GRM8: variants seen among roughly 807,000 people sequenced by gnomAD.
GRM8 encodes metabotropic glutamate receptor 8.
A neutral mutation model predicts 87.2 loss-of-function variants in GRM8; 47 were observed. The observed-to-expected ratio is 0.54, with a 90% confidence interval of 0.43 to 0.69. The LOEUF is 0.69. Ranked by LOEUF, GRM8 falls within the 30% of genes least tolerant of loss-of-function variation. The pLI, the probability that GRM8 is intolerant of heterozygous loss-of-function variation, is 0.00. For missense variants in GRM8, 1,019 were observed against 1,139.2 expected, an observed-to-expected ratio of 0.89 and a Z score of 1.52; for synonymous variants, 396 against 404.5, an observed-to-expected ratio of 0.98 and a Z score of 0.25.
intron 3 of GRM8, among the ~76,000 whole-genome samples, chr7:127,100,417 T>C (rs751440511): frequency 4.6e-5 from 7 of 152,154 alleles, no homozygotes; most frequent in Non-Finnish European, 1.0e-4. Flanking sequence ...CATAAACCCA[T>C]GAAAAGAGAA....
chr7:126,971,179 A>C (rs1401644195), intron 3 of GRM8, among the ~76,000 whole-genome samples: 3 of 132,946 alleles, frequency 2.3e-5, no homozygotes, highest in African/African-American at 8.2e-5. Context: ...AAAAAAAAAA[A>C]AAAAACACTA....
chr7:126,480,091 A>G (rs977499525), intron 9 of GRM8, among the ~76,000 whole-genome samples: 3 of 152,122 alleles, frequency 2.0e-5, no homozygotes, highest in African/African-American at 7.2e-5. Flanking sequence ...GTAACTGAAC[A>G]ATGGTGTTTT....
chr7:126,603,735 A>G (rs868002855), intron 8 of GRM8, among the ~76,000 whole-genome samples: 24 of 152,050 alleles, frequency 1.6e-4, no homozygotes, highest in African/African-American at 5.6e-4. Flanking sequence ...GTACATATAT[A>G]TATGTATGTA....
Position 127,045,717 on chromosome 7 carries a change from T to A in GRM8, c.727+60779A>T, listed in dbSNP as rs966764034. 3.9e-5 allele frequency among the ~76,000 whole-genome samples: 6 copies of A among 152,304 alleles called. No homozygotes were observed. The East Asian group carries it at 1.2e-3, about 29-fold the overall frequency. On this transcript the variant is annotated intron_variant, in intron 3 of 10. Coordinates refer to ENST00000339582, the MANE Select transcript of GRM8 (RefSeq NM_000845.3). ...CCAGATCCCACACGTGCATAACTTC[T>A]CAAGCTACCTCTTCTGTTCTCTCTA...
intron 6 of GRM8, among the ~76,000 whole-genome samples, chr7:126,792,199 T>C (rs554187803): frequency 6.6e-6 from 1 of 152,330 alleles, no homozygotes; most frequent in Non-Finnish European, 1.5e-5. Flanking sequence ...TCTCCATATC[T>C]GGTCACTCTT....
chr7:126,805,618 T>C (rs545573805), intron 6 of GRM8, among the ~76,000 whole-genome samples: 9 of 152,342 alleles, frequency 5.9e-5, no homozygotes, highest in Admixed American at 5.2e-4. Flanking sequence ...CTTGCATCCA[T>C]GCAGATGTGG....
chr7:127,191,391 C>A lies in GRM8; in HGVS notation c.510+51304G>T, dbSNP rs191183755. Among the ~76,000 whole-genome samples, 69 of 152,262 alleles carry A rather than the reference C, an allele frequency of 4.5e-4. 1 individual carries two copies. Among genetic ancestry groups the A allele is most frequent in the East Asian group, 1.9e-4 (1 of 5,186 alleles). ...GAGTGTTTTAATTTCAATCCCTTAA[C>A]CTTCTAGCAATGAAATAGTTCCAGA... On this transcript the variant is annotated intron_variant, in intron 2 of 10. Coordinates refer to ENST00000339582, the MANE Select transcript of GRM8 (RefSeq NM_000845.3).
chr7:127,073,352 C>T (rs1821921550), intron 3 of GRM8, among the ~76,000 whole-genome samples: 1 of 152,124 alleles, frequency 6.6e-6, no homozygotes, highest in South Asian at 2.1e-4. Flanking sequence ...GAGAGATGAT[C>T]TGCGCCCCAT....
intron 3 of GRM8, chr7:127,058,208 C>T (rs1464692503): frequency 4.1e-6 from 2 of 490,118 alleles, no homozygotes; most frequent in Non-Finnish European, 4.2e-6. Context: ...TTCATCAGCA[C>T]TCCCCACAGC....
chr7:126,713,639 T>C (rs1811373798), intron 7 of GRM8, among the ~76,000 whole-genome samples: 1 of 150,094 alleles, frequency 6.7e-6, no homozygotes, highest in Admixed American at 6.6e-5. Context: ...TATGCCTGTA[T>C]GTGAAATCTA....
chr7:126,978,009 C>A, intron 3 of GRM8, among the ~76,000 whole-genome samples: 1 of 151,736 alleles, frequency 6.6e-6, no homozygotes, highest in African/African-American at 2.4e-5. Flanking sequence ...TGATTAAGTC[C>A]AAAAGGACAA....
chr7:127,072,134 G>A (rs772197774), intron 3 of GRM8, among the ~76,000 whole-genome samples: 2 of 151,400 alleles, frequency 1.3e-5, no homozygotes, highest in East Asian at 2.0e-4. Context: ...GTAATATATC[G>A]TGTTTCCTTG....
intron 3 of GRM8, among the ~76,000 whole-genome samples, chr7:127,052,817 A>G (rs186161287): frequency 7.2e-5 from 11 of 152,178 alleles, no homozygotes; most frequent in Non-Finnish European, 1.6e-4. Context: ...CCCTCAAGTT[A>G]CGACTTACAT....
intron 9 of GRM8, among the ~76,000 whole-genome samples, chr7:126,463,172 T>C (rs1804080150): frequency 6.6e-6 from 1 of 151,570 alleles, no homozygotes; most frequent in South Asian, 2.1e-4. Flanking sequence ...TGAAGAGACA[T>C]CAGGGGATGC....
rs775779184 is a variant in GRM8 at position 126,532,981 on chromosome 7, A to T, written c.2401T>A (p.Phe801Ile). 1.7e-5 allele frequency: 28 copies of T among 1,612,674 alleles called. No homozygotes were observed. In the South Asian group the frequency reaches 2.7e-4, roughly 16 times the overall value. ...CIIWLAFIPIFFGTAQSAEKM... is the reference protein window; with the variant it reads ...CIIWLAFIPIIFGTAQSAEKM... ...TCTGCTGACTGGGCTGTACCAAAAA[A>T]GATGGGGATGAAAGCTAACCAAATG... Residue 801 changes from phenylalanine (F) to isoleucine (I), a missense_variant, in exon 9 of 11, where the codon TTT becomes ATT. By Grantham distance (21) the Phe-to-Ile change is conservative. Transcript: ENST00000339582.
intron 3 of GRM8, among the ~76,000 whole-genome samples, chr7:126,987,779 T>C (rs1395994564): frequency 6.6e-6 from 1 of 152,136 alleles, no homozygotes; most frequent in African/African-American, 2.4e-5. Flanking sequence ...TTTACAGTTT[T>C]ATCTCCAACA....
At chr7:126,978,063 C>T (rs533643569) in intron 3 of GRM8, among the ~76,000 whole-genome samples, 2 of 151,976 alleles carry the variant, frequency 1.3e-5, no homozygotes, top group Non-Finnish European at 2.9e-5. Context: ...GCAATACAGG[C>T]AACTAAGACT....
chr7:127,230,403 C>G (rs766195796), intron 2 of GRM8, among the ~76,000 whole-genome samples: 32 of 152,048 alleles, frequency 2.1e-4, no homozygotes, highest in Admixed American at 4.6e-4. Flanking sequence ...GAGCTGGCAT[C>G]AGGTAAAAGT....
intron 8 of GRM8, among the ~76,000 whole-genome samples, chr7:126,580,157 T>C (rs914011667): frequency 7.9e-5 from 12 of 152,176 alleles, no homozygotes; most frequent in African/African-American, 2.7e-4. Context: ...TTGATACAGT[T>C]AATCTTCCTA....
Sources: allele counts gnomAD v4.1 joint callset (sites outside exome capture counted in the v4.1 genomes callset), GRCh38; gene constraint gnomAD v4.1.1; transcripts MANE v1.5; gene names NCBI Gene and HGNC (gene_info 2026-07-23, HGNC 2026-07-21).